GRIK1: variants seen among roughly 807,000 people sequenced by gnomAD.
The protein encoded by GRIK1 is glutamate ionotropic receptor kainate type subunit 1, also known as glutamate receptor ionotropic, kainate 1.
Under a neutral mutation model 105.7 loss-of-function variants are expected in GRIK1, and 69 were observed. The observed-to-expected ratio is 0.65, with a 90% CI of 0.54 to 0.80. The LOEUF (loss-of-function observed/expected upper bound fraction) is 0.80, where lower values mean the gene tolerates loss of function less well. GRIK1 is among the 30% of genes least tolerant of loss of function. The pLI is 0.00. For synonymous variants in GRIK1, 438 were observed against 431.3 expected (o/e 1.02, Z -0.19); for missense variants, 1,109 against 1,167.3 (o/e 0.95, Z 0.73).
chr21:29,813,235 T>G (rs2067061093), intron 1 of GRIK1, among the ~76,000 whole-genome samples: 1 of 152,176 alleles, frequency 6.6e-6, no homozygotes, highest in African/African-American at 2.4e-5. Flanking sequence ...AAATATTGAC[T>G]TAACAATAAT....
intron 1 of GRIK1, among the ~76,000 whole-genome samples, chr21:29,919,048 G>C (rs2071101032): frequency 6.6e-6 from 1 of 151,898 alleles, no homozygotes; most frequent in Non-Finnish European, 1.5e-5. Flanking sequence ...GGGTCAAGAA[G>C]AAGAGGCACT....
chr21:29,559,949 G>A lies in GRIK1; in HGVS notation c.2356+1675C>T, dbSNP rs115408259. Reference sequence around the variant, plus strand: ...TCTGTAATTTTCCATAATTGCCACCGTTCCCTACTACCTCCTGGCACAAGC... The same window carrying A: ...TCTGTAATTTTCCATAATTGCCACCATTCCCTACTACCTCCTGGCACAAGC... On this transcript the variant is annotated intron_variant, in intron 15 of 17. Coordinates refer to ENST00000327783, the MANE Select transcript of GRIK1 (RefSeq NM_001330994.2). Among the ~76,000 whole-genome samples, 1,042 of 152,156 alleles carry A rather than the reference G, an allele frequency of 6.8e-3. 14 individuals are homozygous for A. Among genetic ancestry groups the A allele is most frequent in the African/African-American group, 0.023 (974 of 41,508 alleles).
intron 1 of GRIK1, among the ~76,000 whole-genome samples, chr21:29,798,271 A>G (rs2066610507): frequency 6.6e-6 from 1 of 152,212 alleles, no homozygotes; most frequent in African/African-American, 2.4e-5. Flanking sequence ...ATGGGAAGTA[A>G]TGACTTACCA....
chr21:29,638,073 C>T (rs1254622511), intron 7 of GRIK1, among the ~76,000 whole-genome samples: 2 of 152,060 alleles, frequency 1.3e-5, no homozygotes, highest in African/African-American at 4.8e-5. Flanking sequence ...ACATGCAGTG[C>T]TTATAATATG....
chr21:29,844,194 T>C (rs895104095), intron 1 of GRIK1, among the ~76,000 whole-genome samples: 5 of 152,120 alleles, frequency 3.3e-5, no homozygotes, highest in Admixed American at 1.3e-4. Context: ...CCTATGAATA[T>C]GATTTAAAAA....
At position 29,770,163 on chromosome 21, in the gene GRIK1, ATGGC is replaced by A. The variant is rs2065778941; in HGVS notation, c.119-76104_119-76101del. Among the ~76,000 whole-genome samples, 5 of 152,308 alleles carry A rather than the reference ATGGC, an allele frequency of 3.3e-5. No homozygotes were observed. In the South Asian group the frequency reaches 1.0e-3, roughly 32 times the overall value. On this transcript the variant is annotated intron_variant, in intron 1 of 17. Coordinates refer to ENST00000327783, the MANE Select transcript of GRIK1 (RefSeq NM_001330994.2). ...AACACTGCTTTGTGACTTTTCTGGAATGGCTAGACAACTCGCGTTTTAAATTTAT... is the reference window on the plus strand; with the variant it reads ...AACACTGCTTTGTGACTTTTCTGGAATAGACAACTCGCGTTTTAAATTTAT...
At chr21:29,645,753 G>T (rs1392544222) in intron 6 of GRIK1, among the ~76,000 whole-genome samples, 2 of 152,284 alleles carry the variant, frequency 1.3e-5, no homozygotes, top group East Asian at 3.9e-4. Context: ...TAATGTAATA[G>T]AAACTGGCCT....
chr21:29,545,066 C>T (rs1200633887), intron 16 of GRIK1, among the ~76,000 whole-genome samples: 2 of 151,912 alleles, frequency 1.3e-5, no homozygotes, highest in African/African-American at 2.4e-5. Context: ...TGAAACTGTC[C>T]TCTGAGACTC....
intron 1 of GRIK1, among the ~76,000 whole-genome samples, chr21:29,712,804 C>G (rs1163435878): frequency 6.6e-6 from 1 of 152,112 alleles, no homozygotes; most frequent in African/African-American, 2.4e-5. Flanking sequence ...TTTGTAATGT[C>G]TTGTAACTTC....
chr21:29,913,681 A>G (rs2070897028), intron 1 of GRIK1, among the ~76,000 whole-genome samples: 1 of 150,530 alleles, frequency 6.6e-6, no homozygotes, highest in Admixed American at 6.6e-5. Flanking sequence ...AAATATATAT[A>G]TATATATATA....
At chr21:29,729,090 G>A (rs1194097843) in intron 1 of GRIK1, among the ~76,000 whole-genome samples, 1 of 152,140 alleles carries the variant, frequency 6.6e-6, no homozygotes, top group Non-Finnish European at 1.5e-5. Context: ...TGTGATTGGG[G>A]ACCTAATCAA....
chr21:29,716,486 T>C (rs2064180424), intron 1 of GRIK1, among the ~76,000 whole-genome samples: 1 of 152,176 alleles, frequency 6.6e-6, no homozygotes, highest in South Asian at 2.1e-4. Flanking sequence ...GTTGCATGGC[T>C]TTGACCAAAA....
chr21:29,576,916 T>G (rs2090909473), intron 14 of GRIK1, 48 bp downstream of exon 14: 1 of 1,008,516 alleles, frequency 9.9e-7, no homozygotes, highest in Non-Finnish European at 1.5e-6. Context: ...TTTTATACTC[T>G]ACCACAAGTA....
chr21:29,879,400 T>C (rs2069312599), intron 1 of GRIK1, among the ~76,000 whole-genome samples: 1 of 151,972 alleles, frequency 6.6e-6, no homozygotes, highest in African/African-American at 2.4e-5. Context: ...GTGAAAGGCA[T>C]CCAGAAGGGA....
At chr21:29,874,774 G>A (rs1315499584) in intron 1 of GRIK1, among the ~76,000 whole-genome samples, 2 of 152,182 alleles carry the variant, frequency 1.3e-5, no homozygotes, top group East Asian at 3.9e-4. Context: ...GGTTGAATGT[G>A]AGAGACAGAA....
At chr21:29,692,066 T>C (rs363533) in intron 2 of GRIK1, among the ~76,000 whole-genome samples, 5,495 of 152,280 alleles carry the variant, frequency 0.036, 267 homozygotes, top group East Asian at 0.19. Context: ...CTATCCAGCA[T>C]AAGCAATGGA....
chr21:29,680,549 G>T (rs1387152090), intron 3 of GRIK1, among the ~76,000 whole-genome samples: 1 of 152,156 alleles, frequency 6.6e-6, no homozygotes, highest in East Asian at 1.9e-4. Flanking sequence ...CCTTATCTGA[G>T]GTTTTGCTTT....
intron 1 of GRIK1, among the ~76,000 whole-genome samples, chr21:29,705,499 A>T (rs969432459): frequency 1.3e-5 from 2 of 152,216 alleles, no homozygotes; most frequent in Non-Finnish European, 2.9e-5. Flanking sequence ...TTGTTGTCTT[A>T]AGAAACACTT....
At chr21:29,571,477 G>A (rs2090748477) in intron 14 of GRIK1, among the ~76,000 whole-genome samples, 1 of 152,098 alleles carries the variant, frequency 6.6e-6, no homozygotes, top group South Asian at 2.1e-4. Context: ...TTCTTGTTGA[G>A]AACCAAATAC....
Sources: allele counts gnomAD v4.1 joint callset (sites outside exome capture counted in the v4.1 genomes callset), GRCh38; gene constraint gnomAD v4.1.1; transcripts MANE v1.5; gene names NCBI Gene and HGNC (gene_info 2026-07-23, HGNC 2026-07-21).